Variants in PTPRZ1 observed in about 807,000 individuals in gnomAD.
PTPRZ1 encodes the protein receptor-type tyrosine-protein phosphatase zeta.
Under a neutral mutation model 214.1 loss-of-function variants are expected in PTPRZ1, and 82 were observed. The observed-to-expected ratio is 0.38, with a 90% CI of 0.32 to 0.46. The LOEUF (loss-of-function observed/expected upper bound fraction) is 0.46. Ranked by LOEUF, PTPRZ1 falls within the 20% of genes least tolerant of loss-of-function variation. The probability of loss-of-function intolerance (pLI) is 1.00; values close to 1 mark genes in which losing one functional copy is unlikely to be tolerated. For missense variants in PTPRZ1, 2,603 were observed against 2,748.7 expected (o/e 0.95, Z 1.19); for synonymous variants, 945 against 987.9 (o/e 0.96, Z 0.81).
rs528616280 is a variant in PTPRZ1, at chr7:122,024,008, T to C, written c.4989-4544T>C. Among the ~76,000 whole-genome samples, 547 of 151,748 alleles carry C rather than the reference T, an allele frequency of 3.6e-3. 5 individuals are homozygous for C. The highest frequency in any genetic ancestry group is 0.013 in the African/African-American group (527 of 41,412). Reference sequence around the variant, plus strand: ...CAAGTTTAAGACAGTCATCACTTTTTTCATCATGCCTGATGGATAATTAGC... The same window carrying C: ...CAAGTTTAAGACAGTCATCACTTTTCTCATCATGCCTGATGGATAATTAGC... On this transcript the variant is annotated intron_variant, in intron 13 of 29. Coordinates refer to ENST00000393386, the MANE Select transcript of PTPRZ1 (RefSeq NM_002851.3).
intron 12 of PTPRZ1, 73 bp from the exon 13 acceptor site, chr7:122,019,051 T>G: frequency 7.1e-7 from 1 of 1,414,586 alleles, no homozygotes; most frequent in Non-Finnish European, 9.7e-7. Context: ...AAGGTTGCAA[T>G]TAATCAGTTG....
intron 1 of PTPRZ1, among the ~76,000 whole-genome samples, chr7:121,921,560 A>G (rs1321356599): frequency 6.6e-6 from 1 of 152,170 alleles, no homozygotes; most frequent in Non-Finnish European, 1.5e-5. Flanking sequence ...ACTTATTCTT[A>G]AATAAAGAGG....
At chr7:121,970,201 T>C (rs1474963741) in intron 3 of PTPRZ1, among the ~76,000 whole-genome samples, 2 of 152,154 alleles carry the variant, frequency 1.3e-5, no homozygotes, top group East Asian at 1.9e-4. Context: ...CAGTCTATTG[T>C]TGTTGGACAT....
intron 2 of PTPRZ1, among the ~76,000 whole-genome samples, chr7:121,939,084 G>A (rs1024354819): frequency 6.6e-6 from 1 of 152,206 alleles, no homozygotes; most frequent in Admixed American, 6.5e-5. Context: ...TTTATTTCCA[G>A]TCTCATGGGG....
At chr7:122,008,145 A>G (rs1363021665) in intron 11 of PTPRZ1, among the ~76,000 whole-genome samples, 1 of 152,162 alleles carries the variant, frequency 6.6e-6, no homozygotes. Flanking sequence ...ATAGGAGGAT[A>G]TGATAAAGGA....
chr7:121,966,283 T>G (rs1183761907), intron 2 of PTPRZ1, among the ~76,000 whole-genome samples: 2 of 152,200 alleles, frequency 1.3e-5, no homozygotes, highest in Non-Finnish European at 2.9e-5. Flanking sequence ...TTCAGTGTTA[T>G]TGAAGATTTA....
At chr7:121,907,708 TA>T (rs1470645528) in intron 1 of PTPRZ1, among the ~76,000 whole-genome samples, 1 of 151,960 alleles carries the variant, frequency 6.6e-6, no homozygotes, top group Non-Finnish European at 1.5e-5. Flanking sequence ...GGATCTAATT[TA>T]TTTTATATCT....
At chr7:121,991,520 C>A (rs930474768) in intron 8 of PTPRZ1, among the ~76,000 whole-genome samples, 1 of 152,044 alleles carries the variant, frequency 6.6e-6, no homozygotes, top group African/African-American at 2.4e-5. Flanking sequence ...TGTACAATTT[C>A]CTGAAAAAAC....
chr7:122,059,715 A>G (rs754268001), intron 28 of PTPRZ1, 38 bp from the exon 29 acceptor site: 3 of 1,572,214 alleles, frequency 1.9e-6, no homozygotes, highest in South Asian at 1.2e-5. Flanking sequence ...GTGCATCTCA[A>G]TGGAGTCTTT....
At chr7:121,939,622 T>C (rs1418110323) in intron 2 of PTPRZ1, among the ~76,000 whole-genome samples, 1 of 152,216 alleles carries the variant, frequency 6.6e-6, no homozygotes, top group Non-Finnish European at 1.5e-5. Context: ...TCTCATCAAC[T>C]CCCTAGCTTG....
chr7:121,993,642 T>C lies in PTPRZ1; in HGVS notation c.929-2740T>C, dbSNP rs147612721. On this transcript the variant is annotated intron_variant, in intron 8 of 29. Coordinates refer to ENST00000393386, the MANE Select transcript of PTPRZ1 (RefSeq NM_002851.3). The stretch of plus-strand genomic sequence containing the variant: ...ATTGGGCTGATTTCAATAGGAAATA[T>C]ATGCAAAACCTGGGAAATTTAGTGT... Among the ~76,000 whole-genome samples, 95 of 146,244 alleles carry C rather than the reference T, an allele frequency of 6.5e-4. 2 individuals are homozygous for C. The East Asian group carries it at 0.018, about 28-fold the overall frequency.
chr7:122,030,821 G>A (rs1349683472), intron 14 of PTPRZ1, among the ~76,000 whole-genome samples: 1 of 151,704 alleles, frequency 6.6e-6, no homozygotes, highest in Non-Finnish European at 1.5e-5. Context: ...AAATAATTTG[G>A]CCCCTTCACA....
intron 21 of PTPRZ1, among the ~76,000 whole-genome samples, chr7:122,041,901 G>A (rs1212797820): frequency 2.6e-5 from 4 of 152,180 alleles, no homozygotes; most frequent in Non-Finnish European, 4.4e-5. Flanking sequence ...TAGTGCTGAA[G>A]GTCAGGGATT....
At position 122,042,591 on chromosome 7, in the gene PTPRZ1, C is replaced by A. The variant is rs775948815; in HGVS notation, c.5802-17C>A. Reference sequence around the variant, plus strand: ...ATGCTTAACATTGAAATATTTATTTCTTGGTCTTCTCTTCAGTGCTGGAGT... The same window carrying A: ...ATGCTTAACATTGAAATATTTATTTATTGGTCTTCTCTTCAGTGCTGGAGT... On this transcript the variant is annotated splice_polypyrimidine_tract_variant and intron_variant, in intron 21 of 29. Coordinates refer to ENST00000393386, the MANE Select transcript of PTPRZ1 (RefSeq NM_002851.3). 5 of 1,558,506 alleles carry A rather than the reference C, an allele frequency of 3.2e-6. No homozygotes were observed. The highest frequency in any genetic ancestry group is 1.9e-5 in the Admixed American group (1 of 52,704).
chr7:121,944,200 T>C (rs6961716), intron 2 of PTPRZ1, among the ~76,000 whole-genome samples: 93,896 of 151,906 alleles, frequency 0.62, 29,615 homozygotes, highest in African/African-American at 0.74. Context: ...AATCTGGCTG[T>C]AAGTTATCTT....
chr7:122,054,075 A>G (rs761386987), intron 26 of PTPRZ1, 37 bp downstream of exon 26: 6 of 1,607,284 alleles, frequency 3.7e-6, no homozygotes, highest in Non-Finnish European at 2.6e-6. Context: ...CTTCCTTTAC[A>G]GAGGAATATC....
chr7:121,892,105 G>T lies in PTPRZ1; in HGVS notation c.58+18548G>T, dbSNP rs181291394. ...TTTTATGTCTTAGCGCTTATAGTTT[G>T]TTGCTTTATACCATAATTTTAGCAT... On this transcript the variant is annotated intron_variant, in intron 1 of 29. Coordinates refer to ENST00000393386, the MANE Select transcript of PTPRZ1 (RefSeq NM_002851.3). 3.1e-3 allele frequency among the ~76,000 whole-genome samples: 467 copies of T among 152,194 alleles called. 2 individuals are homozygous for T. The highest frequency in any genetic ancestry group is 4.5e-3 in the Non-Finnish European group (309 of 67,974).
chr7:122,010,859 C>G lies in PTPRZ1; in HGVS notation c.1813C>G (p.Gln605Glu), dbSNP rs1490940009. 1 of 1,614,038 alleles carries G rather than the reference C, an allele frequency of 6.2e-7. No homozygotes were observed. Among genetic ancestry groups the G allele is most frequent in the Non-Finnish European group, 8.5e-7 (1 of 1,179,988 alleles). The change falls in exon 12 of 30, where the codon CAA (glutamine) becomes GAA (glutamate). Residue 605 changes from glutamine (Q) to glutamate (E), a missense_variant. Gln to Glu is a conservative substitution (Grantham distance 29). Transcript: ENST00000393386. Reference protein sequence around the residue: ...AIPFISENISQGYIFSSENPE... With the variant: ...AIPFISENISEGYIFSSENPE... ...CCCATTCATCTCTGAGAACATATCC[C>G]AAGGGTATATATTTTCCTCCGAAAA...
At chr7:122,006,765 A>G (rs1276773991) in intron 11 of PTPRZ1, among the ~76,000 whole-genome samples, 5 of 152,114 alleles carry the variant, frequency 3.3e-5, no homozygotes, top group African/African-American at 1.2e-4. Context: ...TCAACAGGAA[A>G]CAGATGCCAC....
Sources: gnomAD v4.1 joint callset for allele counts (sites outside exome capture counted in the v4.1 genomes callset) on GRCh38, gnomAD v4.1.1 for gene constraint, MANE v1.5 for transcripts, NCBI Gene and HGNC (gene_info 2026-07-23, HGNC 2026-07-21) for gene names.